MBNL3: variants seen among roughly 807,000 people sequenced by gnomAD.
MBNL3 encodes the protein muscleblind like splicing regulator 3, also known as muscleblind-like protein 3.
MBNL3 carries 6 observed loss-of-function variants against 24.5 expected under a neutral mutation model. The observed-to-expected ratio is 0.25, with a 90% CI of 0.13 to 0.48. The LOEUF (loss-of-function observed/expected upper bound fraction) is 0.48, where lower values mean the gene tolerates loss of function less well. MBNL3 is among the 20% of genes least tolerant of loss of function. The probability of loss-of-function intolerance (pLI) is 0.99; values close to 1 mark genes in which losing one functional copy is unlikely to be tolerated. For synonymous variants in MBNL3, 100 were observed against 101.7 expected, an observed-to-expected ratio of 0.98 and a Z score of 0.10; for missense variants, 230 against 293.5, an observed-to-expected ratio of 0.78 and a Z score of 1.58.
intron 3 of MBNL3, among the ~76,000 whole-genome samples, chrX:132,396,847 C>CAT (rs1263024049): frequency 2.6e-3 from 43 of 16,531 alleles, no homozygotes; most frequent in African/African-American, 4.3e-3. Context: ...TTCATATATA[C>CAT]ATATATATTC....
rs1249638817 is a variant in MBNL3, at chrX:132,372,602, T to C, written c.*7064A>G. ...TCTCAACTGCTAGACACAAAAGACATAGCAACAAAGTAATTTGTTTCCATC... is the reference window on the plus strand; with the variant it reads ...TCTCAACTGCTAGACACAAAAGACACAGCAACAAAGTAATTTGTTTCCATC... On this transcript the variant is annotated 3_prime_UTR_variant, in exon 9 of 9. Transcript: ENST00000370853. 9.1e-6 allele frequency: 1 copy of C among 109,978 alleles called. No individual in the cohort carries two copies. The highest frequency in any genetic ancestry group is 2.8e-4 in the East Asian group (1 of 3,549). 9.1% of individuals were successfully genotyped at this position (109,978 alleles called of 1,213,427 possible).
rs1381826560 is a variant in MBNL3 at position 132,428,920 on chromosome X, C to G, written c.177+10515G>C. Among the ~76,000 whole-genome samples, 3 of 112,513 alleles carry G rather than the reference C, an allele frequency of 2.7e-5. No individual in the cohort carries two copies. The East Asian group carries it at 8.3e-4, about 31-fold the overall frequency. ...CAAGTAGGATCAGATGTATATTACC[C>G]TAACATCTAAGAGTTTCTTCTAGAC... On this transcript the variant is annotated intron_variant, in intron 2 of 8. Coordinates refer to ENST00000370853, the MANE Select transcript of MBNL3 (RefSeq NM_001386889.1).
chrX:132,433,485 T>A (rs1459955015), intron 2 of MBNL3, among the ~76,000 whole-genome samples: 1 of 111,951 alleles, frequency 8.9e-6, no homozygotes, highest in Non-Finnish European at 1.9e-5. Flanking sequence ...ATCACTGGGG[T>A]ATGAACTGGA....
intron 1 of MBNL3, among the ~76,000 whole-genome samples, chrX:132,473,868 C>T (rs972467795): frequency 4.5e-5 from 5 of 111,397 alleles, no homozygotes; most frequent in Non-Finnish European, 9.4e-5. Context: ...AATGTATTTG[C>T]ATTGAAAATT....
intron 1 of MBNL3, among the ~76,000 whole-genome samples, chrX:132,483,607 G>A (rs1008574755): frequency 2.7e-5 from 3 of 111,999 alleles, no homozygotes; most frequent in South Asian, 3.7e-4. Context: ...TTTGCTAATA[G>A]ACTACCCCTC....
intron 1 of MBNL3, among the ~76,000 whole-genome samples, chrX:132,462,101 A>G (rs1022687981): frequency 8.9e-6 from 1 of 112,018 alleles, no homozygotes; most frequent in Non-Finnish European, 1.9e-5. Context: ...CACAGTCACA[A>G]AGGGTGACAG....
intron 1 of MBNL3, among the ~76,000 whole-genome samples, chrX:132,488,124 C>T (rs1948103207): frequency 8.9e-6 from 1 of 111,863 alleles, no homozygotes; most frequent in Non-Finnish European, 1.9e-5. Flanking sequence ...GATGTAAGAA[C>T]ATCTAGGAGA....
At position 132,439,996 on chromosome X, in the gene MBNL3, G is replaced by A. The variant is rs952924025; in HGVS notation, c.-385C>T. Among the ~76,000 whole-genome samples the A allele has an allele frequency of 1.8e-5, 2 of 111,438 alleles. No homozygotes were observed. Among genetic ancestry groups the A allele is most frequent in the Non-Finnish European group, 3.8e-5 (2 of 53,061 alleles). On this transcript the variant is annotated 5_prime_UTR_variant, in exon 2 of 9. Transcript: ENST00000370853. Reference sequence around the variant, plus strand: ...AAACATATGCTGCTGGCTGCCCTTCGATTTGTGGAATGGTCTCAGATCAGG... The same window carrying A: ...AAACATATGCTGCTGGCTGCCCTTCAATTTGTGGAATGGTCTCAGATCAGG...
intron 2 of MBNL3, among the ~76,000 whole-genome samples, chrX:132,419,002 G>A (rs1943552461): frequency 8.9e-6 from 1 of 112,541 alleles, no homozygotes; most frequent in African/African-American, 3.2e-5. Context: ...TAGAACTCCT[G>A]GGCTCAAGCG....
chrX:132,407,149 C>T (rs1252147805), intron 2 of MBNL3, among the ~76,000 whole-genome samples: 2 of 112,059 alleles, frequency 1.8e-5, no homozygotes, highest in Non-Finnish European at 3.8e-5. Flanking sequence ...ATTTATGATG[C>T]CTACACAGTT....
At chrX:132,446,886 T>TG (rs1945752067) in intron 1 of MBNL3, among the ~76,000 whole-genome samples, 1 of 111,291 alleles carries the variant, frequency 9.0e-6, no homozygotes, top group African/African-American at 3.3e-5. Flanking sequence ...TTATAGGTCT[T>TG]ATGTTTAAGT....
intron 3 of MBNL3, among the ~76,000 whole-genome samples, chrX:132,400,120 C>CTA (rs764533154): frequency 1.8e-5 from 2 of 111,255 alleles, no homozygotes; most frequent in Non-Finnish European, 3.8e-5. Flanking sequence ...ATACCTAATG[C>CTA]TAAATGATGA....
rs774129764 is a variant in MBNL3 at position 132,376,162 on chromosome X, A to C, written c.*3504T>G. On this transcript the variant is annotated 3_prime_UTR_variant, in exon 9 of 9. Transcript: ENST00000370853. ...ACTTATGGCAAGATCAAAGTGCTTC[A>C]GCATGTTCAAAAACGGATGAAAAAA... 3.4e-4 allele frequency: 38 copies of C among 111,246 alleles called. No homozygotes were observed. Among genetic ancestry groups the C allele is most frequent in the African/African-American group, 1.2e-3 (38 of 30,725 alleles). 9.2% of individuals were successfully genotyped at this position (111,246 alleles called of 1,213,427 possible). A position where few individuals can be genotyped will look rare whatever the true frequency, so the allele number is the denominator to read the frequency against.
chrX:132,406,144 T>C, intron 3 of MBNL3, 84 bp downstream of exon 3: 1 of 1,057,692 alleles, frequency 9.5e-7, no homozygotes, highest in Non-Finnish European at 1.3e-6. Context: ...CTAAATCCTG[T>C]TGCAACTAAT....
At chrX:132,447,902 C>CT (rs1945822033) in intron 1 of MBNL3, among the ~76,000 whole-genome samples, 2 of 111,636 alleles carry the variant, frequency 1.8e-5, no homozygotes, top group South Asian at 7.5e-4. Flanking sequence ...ATAAATAACT[C>CT]TTATTATTTT....
chrX:132,411,097 A>G (rs1942664008), intron 2 of MBNL3: 1 of 737,918 alleles, frequency 1.4e-6, no homozygotes, highest in South Asian at 6.9e-5. Context: ...TTTCTTAAAT[A>G]TAATGAAGGC....
chrX:132,443,775 C>T (rs1234981315), intron 1 of MBNL3, among the ~76,000 whole-genome samples: 1 of 111,419 alleles, frequency 9.0e-6, no homozygotes, highest in African/African-American at 3.3e-5. Flanking sequence ...AACACTACTG[C>T]ATAGAAGTTA....
intron 2 of MBNL3, among the ~76,000 whole-genome samples, chrX:132,422,127 A>ATG (rs113734916): frequency 0.015 from 1,527 of 101,929 alleles, 7 homozygotes; most frequent in Middle Eastern, 0.056. Context: ...TGAATATACT[A>ATG]TGTGTGTGTG....
intron 2 of MBNL3, among the ~76,000 whole-genome samples, chrX:132,434,997 T>G (rs889585691): frequency 9.0e-6 from 1 of 111,638 alleles, no homozygotes; most frequent in African/African-American, 3.3e-5. Context: ...ATACAGGAGT[T>G]TCCTGTATCA....
Sources: gnomAD v4.1 joint callset for allele counts (sites outside exome capture counted in the v4.1 genomes callset) on GRCh38, gnomAD v4.1.1 for gene constraint, MANE v1.5 for transcripts, NCBI Gene and HGNC (gene_info 2026-07-23, HGNC 2026-07-21) for gene names.